Variants in CSMD1 observed in about 807,000 individuals in gnomAD.
The protein encoded by CSMD1 is CUB and Sushi multiple domains 1, also known as CUB and sushi domain-containing protein 1.
CSMD1 carries 213 observed loss-of-function variants against 417.5 expected under a neutral mutation model. The ratio of observed to expected loss-of-function variants is 0.51; its 90% CI spans 0.46 to 0.57. The LOEUF is 0.57. Among genes scored for constraint, CSMD1 ranks in the 20% least tolerant of loss-of-function variants. The pLI is 0.00. For synonymous variants in CSMD1, 2,862 were observed against 1,736.8 expected, an observed-to-expected ratio of 1.65 and a Z score of -16.11; for missense variants, 6,923 against 4,529.7, an observed-to-expected ratio of 1.53 and a Z score of -15.17.
intron 1 of CSMD1, among the ~76,000 whole-genome samples, chr8:4,747,566 T>G (rs1013293884): frequency 1.3e-5 from 2 of 152,224 alleles, no homozygotes; most frequent in Non-Finnish European, 2.9e-5. Flanking sequence ...CTACGGTGAC[T>G]ATATTGTCAC....
chr8:4,525,184 T>A (rs1390894929), intron 2 of CSMD1, among the ~76,000 whole-genome samples: 1 of 152,146 alleles, frequency 6.6e-6, no homozygotes, highest in African/African-American at 2.4e-5. Context: ...CTTCCCTCTA[T>A]GCCACAACCC....
At chr8:4,027,315 T>C (rs558413507) in intron 4 of CSMD1, among the ~76,000 whole-genome samples, 2 of 152,092 alleles carry the variant, frequency 1.3e-5, no homozygotes, top group Admixed American at 6.6e-5. Context: ...GAAAGTAGGA[T>C]GATGGTATGC....
intron 1 of CSMD1, among the ~76,000 whole-genome samples, chr8:4,681,313 T>C (rs1230153549): frequency 2.6e-5 from 4 of 152,058 alleles, no homozygotes; most frequent in African/African-American, 9.7e-5. Flanking sequence ...TGAAAAGAGG[T>C]AGTACAATAT....
At chr8:4,162,321 A>G (rs1250536268) in intron 3 of CSMD1, among the ~76,000 whole-genome samples, 1 of 152,184 alleles carries the variant, frequency 6.6e-6, no homozygotes, top group East Asian at 1.9e-4. Flanking sequence ...TAATGGATTT[A>G]TGTTACTACA....
chr8:3,917,640 AT>A (rs1446746937), intron 5 of CSMD1, among the ~76,000 whole-genome samples: 1 of 152,088 alleles, frequency 6.6e-6, no homozygotes, highest in East Asian at 1.9e-4. Flanking sequence ...AAAAATGCTT[AT>A]TATGGTACGA....
At chr8:4,365,698 C>T (rs567135106) in intron 3 of CSMD1, among the ~76,000 whole-genome samples, 1 of 152,168 alleles carries the variant, frequency 6.6e-6, no homozygotes, top group Admixed American at 6.5e-5. Flanking sequence ...TCTGATCCAG[C>T]CTGAGACTTT....
chr8:4,620,555 A>T (rs544663591), intron 2 of CSMD1, among the ~76,000 whole-genome samples: 3 of 151,954 alleles, frequency 2.0e-5, no homozygotes, highest in Admixed American at 2.0e-4. Flanking sequence ...AAAATTGCAC[A>T]GAGTATATTT....
rs544115975 is a variant in CSMD1 at position 3,875,845 on chromosome 8, T to C, written c.819-121803A>G. 5.9e-5 allele frequency among the ~76,000 whole-genome samples: 9 copies of C among 152,106 alleles called. No homozygotes were observed. In the South Asian group the frequency reaches 1.2e-3, roughly 21 times the overall value. On this transcript the variant is annotated intron_variant, in intron 5 of 69. Coordinates refer to ENST00000635120, the MANE Select transcript of CSMD1 (RefSeq NM_033225.6). ...AGGGAATTTGCAGATCAATCAAGGA[T>C]TGCCTTTTGGAAACACTAGAGTGTG...
At chr8:4,294,320 G>T (rs1189126167) in intron 3 of CSMD1, among the ~76,000 whole-genome samples, 2 of 152,074 alleles carry the variant, frequency 1.3e-5, no homozygotes, top group East Asian at 3.9e-4. Context: ...AATAATACGT[G>T]CACTGACGGT....
At chr8:3,318,921 T>C (rs761812832) in intron 23 of CSMD1, among the ~76,000 whole-genome samples, 10 of 152,166 alleles carry the variant, frequency 6.6e-5, no homozygotes, top group Non-Finnish European at 1.2e-4. Flanking sequence ...GGTGCTGCTT[T>C]CAGCTTTACA....
intron 5 of CSMD1, among the ~76,000 whole-genome samples, chr8:3,761,758 G>C (rs1302508266): frequency 6.6e-6 from 1 of 152,026 alleles, no homozygotes; most frequent in African/African-American, 2.4e-5. Context: ...CATCTGCTTA[G>C]GCCTCCTAAA....
At chr8:4,743,432 G>C (rs1563270276) in intron 1 of CSMD1, among the ~76,000 whole-genome samples, 1 of 152,130 alleles carries the variant, frequency 6.6e-6, no homozygotes, top group Non-Finnish European at 1.5e-5. Context: ...AAATGAACGT[G>C]TGTCAAGAAT....
At chr8:3,381,664 T>C (rs1314224325) in intron 18 of CSMD1, among the ~76,000 whole-genome samples, 5 of 152,176 alleles carry the variant, frequency 3.3e-5, no homozygotes, top group Admixed American at 3.3e-4. Context: ...CTAAAAATTA[T>C]ACAGACACAT....
At chr8:3,296,201 A>C (rs372592203) in intron 25 of CSMD1, among the ~76,000 whole-genome samples, 1 of 152,050 alleles carries the variant, frequency 6.6e-6, no homozygotes, top group Admixed American at 6.6e-5. Context: ...AGGCTAAGCC[A>C]TCTTGGCAGA....
In CSMD1 at chr8:2,972,901, A is replaced by G. The variant is rs555908275; in HGVS notation, c.8923+216T>C. 1.2e-4 allele frequency among the ~76,000 whole-genome samples: 19 copies of G among 152,312 alleles called. No homozygotes were observed. The South Asian group carries it at 3.3e-3, about 27-fold the overall frequency. ...CTTCCGTGTTACGAACTTTCAAACAATAAGCATCCGTGTGATGGGACCTGT... is the reference window on the plus strand; with the variant it reads ...CTTCCGTGTTACGAACTTTCAAACAGTAAGCATCCGTGTGATGGGACCTGT... On this transcript the variant is annotated intron_variant, in intron 57 of 69. Transcript: ENST00000635120.
Position 3,930,389 on chromosome 8 carries a change from C to T in CSMD1, c.818+67514G>A, listed in dbSNP as rs1034280367. Among the ~76,000 whole-genome samples the T allele has an allele frequency of 5.3e-5, 8 of 150,560 alleles. 1 individual carries two copies. The highest frequency in any genetic ancestry group is 1.2e-4 in the Non-Finnish European group (8 of 67,576). ...TATGTTCTTAGCTCACACAACTTAG[C>T]CCTGGCATGCTTATACTGGTCCAAG... is the stretch of plus-strand genomic sequence containing the variant. On this transcript the variant is annotated intron_variant, in intron 5 of 69. Coordinates refer to ENST00000635120, the MANE Select transcript of CSMD1 (RefSeq NM_033225.6).
At chr8:3,461,074 C>A (rs769894164) in intron 12 of CSMD1, among the ~76,000 whole-genome samples, 1 of 152,182 alleles carries the variant, frequency 6.6e-6, no homozygotes. Flanking sequence ...CGACTCTTTC[C>A]CTTGCATGGG....
intron 15 of CSMD1, among the ~76,000 whole-genome samples, chr8:3,405,538 C>T (rs562904650): frequency 4.6e-5 from 7 of 152,298 alleles, no homozygotes; most frequent in African/African-American, 1.4e-4. Flanking sequence ...TAACCCTCAG[C>T]GCCTCAGATG....
chr8:4,031,020 G>C (rs568172163), intron 4 of CSMD1, among the ~76,000 whole-genome samples: 6 of 152,094 alleles, frequency 3.9e-5, no homozygotes, highest in Non-Finnish European at 7.4e-5. Context: ...CCTCAGCCAG[G>C]ATTTCATTGT....
Sources: allele counts gnomAD v4.1 joint callset (sites outside exome capture counted in the v4.1 genomes callset), GRCh38; gene constraint gnomAD v4.1.1; transcripts MANE v1.5; gene names NCBI Gene and HGNC (gene_info 2026-07-23, HGNC 2026-07-21).